NECTIN3: variants seen among roughly 807,000 people sequenced by gnomAD.
NECTIN3 encodes nectin-3.
Under a neutral mutation model 49.4 loss-of-function variants are expected in NECTIN3, and 8 were observed. The observed-to-expected ratio is 0.16, with a 90% CI of 0.10 to 0.29. The LOEUF (loss-of-function observed/expected upper bound fraction) is 0.29. Among genes scored for constraint, NECTIN3 ranks in the 10% least tolerant of loss-of-function variants. NECTIN3 has a pLI of 1.00. For missense variants in NECTIN3, 581 were observed against 654.6 expected, an observed-to-expected ratio of 0.89 and a Z score of 1.23; for synonymous variants, 277 against 241.1, an observed-to-expected ratio of 1.15 and a Z score of -1.38.
intron 1 of NECTIN3, among the ~76,000 whole-genome samples, chr3:111,103,762 A>G (rs192127167): frequency 2.8e-4 from 42 of 152,252 alleles, no homozygotes; most frequent in African/African-American, 9.4e-4. Flanking sequence ...TCTTGACATT[A>G]AGTATGATGT....
rs2034469281 is a variant in NECTIN3 at position 111,133,621 on chromosome 3, A to G, written c.1070-14A>G. ...GCCTTTCTGTGTCTTCTCTATCTTTACTGTTTCCATTAGATCCTCCTACTA... is the reference window on the plus strand; with the variant it reads ...GCCTTTCTGTGTCTTCTCTATCTTTGCTGTTTCCATTAGATCCTCCTACTA... On this transcript the variant is annotated splice_polypyrimidine_tract_variant and intron_variant, in intron 5 of 5. Coordinates refer to ENST00000485303, the MANE Select transcript of NECTIN3 (RefSeq NM_015480.3). The G allele has an allele frequency of 6.2e-7, 1 of 1,604,920 alleles. No individual in the cohort carries two copies. Among genetic ancestry groups the G allele is most frequent in the Non-Finnish European group, 8.5e-7 (1 of 1,175,522 alleles).
chr3:111,111,997 T>A, intron 1 of NECTIN3, 33 bp from the exon 2 acceptor site: 1 of 1,501,688 alleles, frequency 6.7e-7, no homozygotes, highest in Non-Finnish European at 9.0e-7. Flanking sequence ...TTTTTCTATT[T>A]TAAAAATTGT....
chr3:111,173,372 G>T (rs1576179295), intron 7 of NECTIN3, among the ~76,000 whole-genome samples: 1 of 152,114 alleles, frequency 6.6e-6, no homozygotes. Context: ...GATTTTTTCA[G>T]TCAAGATCCT....
chr3:111,186,195 T>C (rs1268082989), intron 7 of NECTIN3, among the ~76,000 whole-genome samples: 2 of 151,938 alleles, frequency 1.3e-5, no homozygotes, highest in South Asian at 4.2e-4. Flanking sequence ...GAATTAGAAT[T>C]AGGAAAAACT....
At chr3:111,192,292 G>A, upstream of NECTIN3, 2 of 1,397,534 alleles carry the variant, frequency 1.4e-6, no homozygotes, top group Non-Finnish European at 2.0e-6. Context: ...AGGAATCTTA[G>A]TGGTTGATAT....
At chr3:111,186,853 A>G (rs1468622722) in intron 7 of NECTIN3, among the ~76,000 whole-genome samples, 1 of 152,204 alleles carries the variant, frequency 6.6e-6, no homozygotes, top group East Asian at 1.9e-4. Flanking sequence ...GATTTAGAGT[A>G]GCCCAAGGCT....
intron 1 of NECTIN3, among the ~76,000 whole-genome samples, chr3:111,100,557 AAAC>A (rs1437877815): frequency 6.6e-6 from 1 of 152,124 alleles, no homozygotes; most frequent in Admixed American, 6.5e-5. Context: ...AATAAGAAAA[AAAC>A]AGCCAAAATT....
chr3:111,079,635 C>T (rs2031465413), intron 1 of NECTIN3, among the ~76,000 whole-genome samples: 1 of 151,714 alleles, frequency 6.6e-6, no homozygotes. Context: ...TTCTATACTT[C>T]TCTTTAAGGG....
chr3:111,140,643 C>G (rs1161192544), downstream of NECTIN3, among the ~76,000 whole-genome samples: 1 of 151,842 alleles, frequency 6.6e-6, no homozygotes, highest in South Asian at 2.1e-4. Context: ...TCATACAATT[C>G]TTCCTTTACA....
intron 7 of NECTIN3, among the ~76,000 whole-genome samples, chr3:111,170,149 A>T (rs184478088): frequency 6.6e-6 from 1 of 152,318 alleles, no homozygotes; most frequent in African/African-American, 2.4e-5. Flanking sequence ...TTGAAGCATA[A>T]ATCTCCGGCT....
intron 1 of NECTIN3, among the ~76,000 whole-genome samples, chr3:111,109,391 G>A (rs958190904): frequency 1.3e-5 from 2 of 152,098 alleles, no homozygotes; most frequent in South Asian, 4.1e-4. Flanking sequence ...TTGGTCCTCA[G>A]TAATGTTAAA....
chr3:111,145,476 AT>A (rs1412473168), intron 6 of NECTIN3, among the ~76,000 whole-genome samples: 1 of 152,246 alleles, frequency 6.6e-6, no homozygotes, highest in South Asian at 2.1e-4. Context: ...AGTTTTAAAA[AT>A]TTTTTCTTAA....
In NECTIN3 at chr3:111,135,866, T is replaced by G. The variant is rs900471135; in HGVS notation, c.*1651T>G. 2 of 925,242 alleles carry G rather than the reference T, an allele frequency of 2.2e-6. No individual in the cohort carries two copies. The highest frequency in any genetic ancestry group is 2.6e-6 in the Non-Finnish European group (2 of 775,972). 57.3% of individuals were successfully genotyped at this position (925,242 alleles called of 1,614,324 possible). A position where few individuals can be genotyped will look rare whatever the true frequency, so the allele number is the denominator to read the frequency against. The stretch of plus-strand genomic sequence containing the variant: ...TGTGGAAATTAGAAACCTCTTTTAT[T>G]TCTCTTCCCAAAAGTAATACTTATT... On this transcript the variant is annotated 3_prime_UTR_variant, in exon 6 of 6. Transcript: ENST00000485303.
intron 7 of NECTIN3, among the ~76,000 whole-genome samples, chr3:111,163,845 A>G: frequency 6.6e-6 from 1 of 152,166 alleles, no homozygotes; most frequent in East Asian, 1.9e-4. Context: ...TATTTGGAGA[A>G]AGAGGATTTC....
chr3:111,124,976 T>A (rs1482499751), intron 4 of NECTIN3, among the ~76,000 whole-genome samples: 1 of 151,928 alleles, frequency 6.6e-6, no homozygotes, highest in African/African-American at 2.4e-5. Context: ...TAAACTGTAG[T>A]AGTTGAGCAC....
chr3:111,168,990 G>T (rs1373029186), intron 7 of NECTIN3, among the ~76,000 whole-genome samples: 1 of 141,246 alleles, frequency 7.1e-6, no homozygotes, highest in Non-Finnish European at 1.5e-5. Context: ...TTAGGGAAAA[G>T]AAAACATATA....
chr3:111,150,375 A>T (rs1370815132), intron 7 of NECTIN3, among the ~76,000 whole-genome samples: 1 of 151,976 alleles, frequency 6.6e-6, no homozygotes, highest in Non-Finnish European at 1.5e-5. Context: ...AATTTTTAAC[A>T]ATCCTAAAAC....
At chr3:111,139,157 TA>T (rs1156387221), downstream of NECTIN3, among the ~76,000 whole-genome samples, 1 of 151,644 alleles carries the variant, frequency 6.6e-6, no homozygotes, top group African/African-American at 2.4e-5. Flanking sequence ...CTTTGAAAAA[TA>T]AAAGACCTTT....
chr3:111,140,792 C>G (rs1473606976), downstream of NECTIN3, among the ~76,000 whole-genome samples: 1 of 151,870 alleles, frequency 6.6e-6, no homozygotes, highest in African/African-American at 2.4e-5. Flanking sequence ...CCATTTCACT[C>G]TCCCCGTAGA....
Sources: allele counts gnomAD v4.1 joint callset (sites outside exome capture counted in the v4.1 genomes callset), GRCh38; gene constraint gnomAD v4.1.1; transcripts MANE v1.5; gene names NCBI Gene and HGNC (gene_info 2026-07-23, HGNC 2026-07-21).